TAS2R4: variants seen among roughly 807,000 people sequenced by gnomAD.
The protein encoded by TAS2R4 is taste 2 receptor member 4, also known as taste receptor type 2 member 4.
TAS2R4 carries 18 observed loss-of-function variants against 14.3 expected under a neutral mutation model. That is an observed-to-expected ratio of 1.26 (90% CI 0.87 to 1.86). The LOEUF (loss-of-function observed/expected upper bound fraction) is 1.86. Among genes scored for constraint, TAS2R4 ranks in the 40% most tolerant of loss-of-function variants. The pLI is 0.00. For synonymous variants in TAS2R4, 130 were observed against 138.5 expected (o/e 0.94, Z 0.43); for missense variants, 306 against 342.7 (o/e 0.89, Z 0.85).
rs1213023820 is a variant in TAS2R4 at position 141,780,431 on chromosome 7, T to G, written c.*1043T>G. The G allele has an allele frequency of 6.6e-6, 1 of 152,152 alleles. No individual in the cohort carries two copies. The highest frequency in any genetic ancestry group is 1.5e-5 in the Non-Finnish European group (1 of 68,030). The allele number at this position is 152,152 out of a possible 1,614,324, so 9.4% of individuals were successfully genotyped here. A position where few individuals can be genotyped will look rare whatever the true frequency, so the allele number is the denominator to read the frequency against. On this transcript the variant is annotated 3_prime_UTR_variant, in exon 1 of 1. Coordinates refer to ENST00000247881, the MANE Select transcript of TAS2R4 (RefSeq NM_016944.2). ...ATCTTAAAATCCAGGGAAACCAGCTTAAGGTCAAAGGCAAGTGCTAGATAA... is the reference window on the plus strand; with the variant it reads ...ATCTTAAAATCCAGGGAAACCAGCTGAAGGTCAAAGGCAAGTGCTAGATAA...
chr7:141,780,442 G>A lies in TAS2R4; in HGVS notation c.*1054G>A, dbSNP rs1800308280. The stretch of plus-strand genomic sequence containing the variant: ...CAGGGAAACCAGCTTAAGGTCAAAG[G>A]CAAGTGCTAGATAATGAAATTAACA... On this transcript the variant is annotated 3_prime_UTR_variant, in exon 1 of 1. Coordinates refer to ENST00000247881, the MANE Select transcript of TAS2R4 (RefSeq NM_016944.2). 1 of 152,126 alleles carries A rather than the reference G, an allele frequency of 6.6e-6. No homozygotes were observed. The highest frequency in any genetic ancestry group is 6.6e-5 in the Admixed American group (1 of 15,264). 9.4% of individuals were successfully genotyped at this position (152,126 alleles called of 1,614,324 possible).
chr7:141,777,800 GTAGA>G lies in TAS2R4; in HGVS notation c.-684_-681del, dbSNP rs1324198231. On this transcript the variant is annotated 5_prime_UTR_variant, in exon 1 of 1. An upstream open reading frame in the 5' UTR loses its in-frame stop. Coordinates refer to ENST00000247881, the MANE Select transcript of TAS2R4 (RefSeq NM_016944.2). Reference sequence around the variant, plus strand: ...ATGGTTATGGCACAAATCTATGTATGTAGATAGAGAAGGCAAAGCAAAGGGCATC... The same window carrying G: ...ATGGTTATGGCACAAATCTATGTATGTAGAGAAGGCAAAGCAAAGGGCATC... 6.6e-6 allele frequency among the ~76,000 whole-genome samples: 1 copy of G among 152,170 alleles called. No individual in the cohort carries two copies. Among genetic ancestry groups the G allele is most frequent in the Admixed American group, 6.5e-5 (1 of 15,276 alleles).
chr7:141,778,558 A>C lies in TAS2R4; in HGVS notation c.70A>C (p.Asn24His). 2 of 1,614,126 alleles carry C rather than the reference A, an allele frequency of 1.2e-6. No individual in the cohort carries two copies. Among genetic ancestry groups the C allele is most frequent in the Non-Finnish European group, 1.7e-6 (2 of 1,180,012 alleles). ...VILNFVGIIM[N>H]LFITVVNCKT... ...TTTAAATTTTGTAGGAATCATTATGAATCTGTTTATTACAGTGGTCAATTG... is the reference window on the plus strand; with the variant it reads ...TTTAAATTTTGTAGGAATCATTATGCATCTGTTTATTACAGTGGTCAATTG... The change falls in exon 1 of 1, where the codon AAT (asparagine) becomes CAT (histidine). Residue 24 changes from asparagine (N) to histidine (H), a missense_variant. Asn to His is a moderately conservative substitution (Grantham distance 68). Transcript: ENST00000247881.
In TAS2R4 at chr7:141,778,423, T is replaced by C. The variant is rs1395585261; in HGVS notation, c.-66T>C. On this transcript the variant is annotated 5_prime_UTR_variant, in exon 1 of 1. Coordinates refer to ENST00000247881, the MANE Select transcript of TAS2R4 (RefSeq NM_016944.2). ...CTGGCTGGATACTGGTGTCTGCTTA[T>C]ACATTTTGGTATTTCTTCTGCCTCC... is the stretch of plus-strand genomic sequence containing the variant. 2 of 1,438,180 alleles carry C rather than the reference T, an allele frequency of 1.4e-6. No individual in the cohort carries two copies. The allele number at this position is 1,438,180 out of a possible 1,614,324, so 89.1% of individuals were successfully genotyped here.
In TAS2R4 at chr7:141,779,579, G is replaced by A; in HGVS notation, c.*191G>A. The A allele has an allele frequency of 1.8e-6, 1 of 544,706 alleles. No homozygotes were observed. The highest frequency in any genetic ancestry group is 3.0e-6 in the Non-Finnish European group (1 of 328,812). The allele number at this position is 544,706 out of a possible 1,614,324, so 33.7% of individuals were successfully genotyped here. On this transcript the variant is annotated 3_prime_UTR_variant, in exon 1 of 1. Transcript: ENST00000247881. ...TGGTATGTAAGTATTTTAAAATAAG[G>A]CACATTCTGTAAGAAACTTTTTTGA...
Position 141,781,681 on chromosome 7 carries a change from G to A in TAS2R4, c.*2293G>A, listed in dbSNP as rs1800322389. ...GTGGGAGGAATCAATAAATTTTTTT[G>A]TGTATTTCAAGTTTTCTATAATGAA... On this transcript the variant is annotated 3_prime_UTR_variant, in exon 1 of 1. Coordinates refer to ENST00000247881, the MANE Select transcript of TAS2R4 (RefSeq NM_016944.2). Among the ~76,000 whole-genome samples, 1 of 151,644 alleles carries A rather than the reference G, an allele frequency of 6.6e-6. No homozygotes were observed. The highest frequency in any genetic ancestry group is 1.5e-5 in the Non-Finnish European group (1 of 67,910).
rs1391932048 is a variant in TAS2R4 at position 141,780,651 on chromosome 7, T to C, written c.*1263T>C. 1 of 152,154 alleles carries C rather than the reference T, an allele frequency of 6.6e-6. No homozygotes were observed. Among genetic ancestry groups the C allele is most frequent in the Non-Finnish European group, 1.5e-5 (1 of 68,030 alleles). The allele number at this position is 152,154 out of a possible 1,614,324, so 9.4% of individuals were successfully genotyped here. A position where few individuals can be genotyped will look rare whatever the true frequency, so the allele number is the denominator to read the frequency against. Reference sequence around the variant, plus strand: ...AATGTTGTTTCTGTGGCTGGGACCATTGGACTGTGGCTCCAAAAGAACAAC... The same window carrying C: ...AATGTTGTTTCTGTGGCTGGGACCACTGGACTGTGGCTCCAAAAGAACAAC... On this transcript the variant is annotated 3_prime_UTR_variant, in exon 1 of 1. Transcript: ENST00000247881.
At position 141,778,386 on chromosome 7, in the gene TAS2R4, G is replaced by A. The variant is rs2233993; in HGVS notation, c.-103G>A. 3,628 of 1,108,780 alleles carry A rather than the reference G, an allele frequency of 3.3e-3. 105 individuals are homozygous for A. In the Admixed American group the frequency reaches 0.052, roughly 16 times the overall value. 68.7% of individuals were successfully genotyped at this position (1,108,780 alleles called of 1,614,324 possible). A position where few individuals can be genotyped will look rare whatever the true frequency, so the allele number is the denominator to read the frequency against. The stretch of plus-strand genomic sequence containing the variant: ...TGCCATGCTGGGAAAAATTAAAAAG[G>A]AGATGTCCTTCCTGGCTGGATACTG... On this transcript the variant is annotated 5_prime_UTR_variant, in exon 1 of 1. Transcript: ENST00000247881.
In TAS2R4 at chr7:141,777,530, A is replaced by G. The variant is rs1446535509; in HGVS notation, c.-959A>G. On this transcript the variant is annotated 5_prime_UTR_variant, in exon 1 of 1. Coordinates refer to ENST00000247881, the MANE Select transcript of TAS2R4 (RefSeq NM_016944.2). ...ATGGGCCTCCATAATATCATTTGCC[A>G]GGGATATTTTGCCATTTCCCATCTG... Among the ~76,000 whole-genome samples, 1 of 152,172 alleles carries G rather than the reference A, an allele frequency of 6.6e-6. No individual in the cohort carries two copies. The highest frequency in any genetic ancestry group is 1.5e-5 in the Non-Finnish European group (1 of 68,022).
chr7:141,779,017 T>A lies in TAS2R4; in HGVS notation c.529T>A (p.Leu177Ile), dbSNP rs760186032. 2 of 1,614,162 alleles carry A rather than the reference T, an allele frequency of 1.2e-6. No individual in the cohort carries two copies. The highest frequency in any genetic ancestry group is 1.7e-6 in the Non-Finnish European group (2 of 1,180,024). Residue 177 changes from leucine to isoleucine, a missense_variant, in exon 1 of 1, where the codon TTA (leucine) becomes ATA (isoleucine). Physicochemically the swap from Leu to Ile is conservative, Grantham distance 5. Transcript: ENST00000247881. The part of the protein sequence containing the change: ...SFNISEGILS[L>I]VVSLVLSSSL... ...TAATATCAGTGAGGGCATCTTGTCT[T>A]TAGTGGTTTCTTTGGTCTTGAGCTC...
Position 141,779,130 on chromosome 7 carries a change from C to T in TAS2R4, c.642C>T (p.Ala214=). The T allele has an allele frequency of 6.2e-7, 1 of 1,614,162 alleles. No individual in the cohort carries two copies. Among genetic ancestry groups the T allele is most frequent in the Non-Finnish European group, 8.5e-7 (1 of 1,180,028 alleles). ...ATATACAGAAGATGCAGAAAAATGC[C>T]ACTGGTTTCTGGAATCCCCAGACGG... ...RRHIQKMQKN[A]TGFWNPQTEA... Residue 214 remains alanine (A), a synonymous_variant, in exon 1 of 1, where the codon GCC becomes GCT. Coordinates refer to ENST00000247881, the MANE Select transcript of TAS2R4 (RefSeq NM_016944.2).
rs190809352 is a variant in TAS2R4, at chr7:141,777,134, T to G, written c.-1355T>G. ...TTGGAAATCTGTGCTATAATTTTCC[T>G]TTTAGTCATAGTCTTCCTGGCTCAT... On this transcript the variant is annotated 5_prime_UTR_variant, in exon 1 of 1. Coordinates refer to ENST00000247881, the MANE Select transcript of TAS2R4 (RefSeq NM_016944.2). Among the ~76,000 whole-genome samples, 39 of 152,312 alleles carry G rather than the reference T, an allele frequency of 2.6e-4. No homozygotes were observed. Among genetic ancestry groups the G allele is most frequent in the Admixed American group, 2.5e-3 (39 of 15,302 alleles).
chr7:141,780,401 C>A lies in TAS2R4; in HGVS notation c.*1013C>A, dbSNP rs915734098. The A allele has an allele frequency of 1.3e-5, 2 of 152,042 alleles. No individual in the cohort carries two copies. Among genetic ancestry groups the A allele is most frequent in the Non-Finnish European group, 2.9e-5 (2 of 68,018 alleles). 9.4% of individuals were successfully genotyped at this position (152,042 alleles called of 1,614,324 possible). On this transcript the variant is annotated 3_prime_UTR_variant, in exon 1 of 1. Coordinates refer to ENST00000247881, the MANE Select transcript of TAS2R4 (RefSeq NM_016944.2). ...TAAGAAACTGAATCAAGAATGGTTC[C>A]AAAAATCTTAAAATCCAGGGAAACC...
In TAS2R4 at chr7:141,778,455, A is replaced by T. The variant is rs747543491; in HGVS notation, c.-34A>T. ...TGGTATTTCTTCTGCCTCCACTATCAGCACCACAACTGCTGAATCCTCAAT... is the reference window on the plus strand; with the variant it reads ...TGGTATTTCTTCTGCCTCCACTATCTGCACCACAACTGCTGAATCCTCAAT... On this transcript the variant is annotated 5_prime_UTR_variant, in exon 1 of 1. Transcript: ENST00000247881. 3.8e-6 allele frequency: 6 copies of T among 1,570,418 alleles called. No homozygotes were observed. In the Admixed American group the frequency reaches 5.4e-5, roughly 14 times the overall value.
Position 141,779,516 on chromosome 7 carries a change from G to T in TAS2R4, c.*128G>T. ...CTGATCTGACATCATAGGCTTTTGA[G>T]TGCCTGAATTTCAGTTCATTCTGTA... On this transcript the variant is annotated 3_prime_UTR_variant, in exon 1 of 1. Coordinates refer to ENST00000247881, the MANE Select transcript of TAS2R4 (RefSeq NM_016944.2). 1 of 903,584 alleles carries T rather than the reference G, an allele frequency of 1.1e-6. No homozygotes were observed. Among genetic ancestry groups the T allele is most frequent in the Non-Finnish European group, 1.5e-6 (1 of 645,172 alleles). 56.0% of individuals were successfully genotyped at this position (903,584 alleles called of 1,614,324 possible). A position where few individuals can be genotyped will look rare whatever the true frequency, so the allele number is the denominator to read the frequency against.
In TAS2R4 at chr7:141,780,466, C is replaced by A. The variant is rs1800308428; in HGVS notation, c.*1078C>A. 1 of 152,214 alleles carries A rather than the reference C, an allele frequency of 6.6e-6. No homozygotes were observed. The highest frequency in any genetic ancestry group is 1.5e-5 in the Non-Finnish European group (1 of 68,044). 9.4% of individuals were successfully genotyped at this position (152,214 alleles called of 1,614,324 possible). A position where few individuals can be genotyped will look rare whatever the true frequency, so the allele number is the denominator to read the frequency against. ...GGCAAGTGCTAGATAATGAAATTAA[C>A]ACCATATGAGTACAAATTTACAAAA... On this transcript the variant is annotated 3_prime_UTR_variant, in exon 1 of 1. Coordinates refer to ENST00000247881, the MANE Select transcript of TAS2R4 (RefSeq NM_016944.2).
At position 141,778,359 on chromosome 7, in the gene TAS2R4, T is replaced by A. The variant is rs188309969; in HGVS notation, c.-130T>A. On this transcript the variant is annotated 5_prime_UTR_variant, in exon 1 of 1. Coordinates refer to ENST00000247881, the MANE Select transcript of TAS2R4 (RefSeq NM_016944.2). ...GTGGCCCTTGATCATGAATGGCTCATTTGCCATGCTGGGAAAAATTAAAAA... is the reference window on the plus strand; with the variant it reads ...GTGGCCCTTGATCATGAATGGCTCAATTGCCATGCTGGGAAAAATTAAAAA... 2.5e-3 allele frequency: 2,115 copies of A among 830,748 alleles called. 12 individuals carry two copies. The highest frequency in any genetic ancestry group is 1.9e-3 in the Non-Finnish European group (1,028 of 543,896). The allele number at this position is 830,748 out of a possible 1,614,324, so 51.5% of individuals were successfully genotyped here.
chr7:141,779,436 A>C lies in TAS2R4; in HGVS notation c.*48A>C. 6.6e-7 allele frequency: 1 copy of C among 1,512,436 alleles called. No homozygotes were observed. The highest frequency in any genetic ancestry group is 1.4e-5 in the African/African-American group (1 of 72,198). 93.7% of individuals were successfully genotyped at this position (1,512,436 alleles called of 1,614,324 possible). ...TAGATTTACCTGATGGTTTGGGGGC[A>C]AGATTTTCTGTTTGCAGTTTTCCCA... On this transcript the variant is annotated 3_prime_UTR_variant, in exon 1 of 1. Transcript: ENST00000247881.
rs1800302608 is a variant in TAS2R4, at chr7:141,780,058, A to C, written c.*670A>C. On this transcript the variant is annotated 3_prime_UTR_variant, in exon 1 of 1. Coordinates refer to ENST00000247881, the MANE Select transcript of TAS2R4 (RefSeq NM_016944.2). The stretch of plus-strand genomic sequence containing the variant: ...CTGTCTCTACTAAAAATACAAAAAA[A>C]TTAGCTGGGCGTGGTGGCGGGCACC... 1 of 152,278 alleles carries C rather than the reference A, an allele frequency of 6.6e-6. No homozygotes were observed. The highest frequency in any genetic ancestry group is 6.5e-5 in the Admixed American group (1 of 15,268). 9.4% of individuals were successfully genotyped at this position (152,278 alleles called of 1,614,324 possible).
Sources: gnomAD v4.1 joint callset for allele counts (sites outside exome capture counted in the v4.1 genomes callset) on GRCh38, gnomAD v4.1.1 for gene constraint, MANE v1.5 for transcripts, NCBI Gene and HGNC (gene_info 2026-07-23, HGNC 2026-07-21) for gene names.